USP16: variants seen among roughly 807,000 people sequenced by gnomAD.
USP16 encodes the protein ubiquitin specific peptidase 16.
A neutral mutation model predicts 95.9 loss-of-function variants in USP16; 77 were observed. That is an observed-to-expected ratio of 0.80 (90% CI 0.67 to 0.97). The LOEUF is 0.97. USP16 is among the 50% of genes least tolerant of loss of function. The pLI, the probability that USP16 is intolerant of heterozygous loss-of-function variation, is 0.00. For synonymous variants in USP16, 303 were observed against 318.2 expected (o/e 0.95, Z 0.51); for missense variants, 943 against 959.9 (o/e 0.98, Z 0.23).
chr21:29,037,474 AT>A lies in USP16; in HGVS notation c.636+18del, dbSNP rs760464211. On this transcript the variant is annotated intron_variant, in intron 6 of 17. Coordinates refer to ENST00000399976, the MANE Select transcript of USP16 (RefSeq NM_006447.3). ...AATGCAGTTATGCAGGTACATTGTC[AT>A]TTTTTTCCCTTTAAAAAAGCTGTCC... is the stretch of plus-strand genomic sequence containing the variant. The A allele has an allele frequency of 1.2e-5, 18 of 1,524,266 alleles. No homozygotes were observed. Among genetic ancestry groups the A allele is most frequent in the Middle Eastern group, 1.8e-4 (1 of 5,688 alleles). The allele number at this position is 1,524,266 out of a possible 1,614,324, so 94.4% of individuals were successfully genotyped here. A position where few individuals can be genotyped will look rare whatever the true frequency, so the allele number is the denominator to read the frequency against.
intron 16 of USP16, chr21:29,053,459 A>G (rs996092251): frequency 5.2e-6 from 1 of 191,958 alleles, no homozygotes; most frequent in Non-Finnish European, 1.1e-5. Context: ...TTTTTTAAAC[A>G]GGGTATTCAG....
intron 11 of USP16, among the ~76,000 whole-genome samples, 161 bp from the exon 12 acceptor site, chr21:29,042,311 C>T (rs948925678): frequency 6.6e-5 from 10 of 152,108 alleles, no homozygotes; most frequent in Non-Finnish European, 1.3e-4. Context: ...TCCCCCAACC[C>T]AAAGTCCTCA....
intron 13 of USP16, among the ~76,000 whole-genome samples, chr21:29,046,044 A>G (rs1042795739): frequency 6.6e-6 from 1 of 152,114 alleles, no homozygotes; most frequent in South Asian, 2.1e-4. Flanking sequence ...GGCTGGTTTC[A>G]AACTCCTCAC....
Position 29,047,085 on chromosome 21 carries a change from T to C in USP16, c.1775T>C (p.Ile592Thr), listed in dbSNP as rs145111205. The C allele has an allele frequency of 1.9e-6, 3 of 1,614,052 alleles. No homozygotes were observed. Among genetic ancestry groups the C allele is most frequent in the South Asian group, 1.1e-5 (1 of 91,084 alleles). The stretch of plus-strand genomic sequence containing the variant: ...GCTCTTCATCCTGATGAAATAAATA[T>C]AGAGATTCTGAATGATAGTCATACT... ...NAALHPDEIN[I>T]EILNDSHTPG... The change falls in exon 14 of 18, where the codon ATA becomes ACA. Residue 592 changes from isoleucine to threonine, a missense_variant. Transcript: ENST00000399976.
At chr21:29,028,019 A>C (rs749213920) in intron 2 of USP16, 45 bp downstream of exon 2, 2 of 1,421,942 alleles carry the variant, frequency 1.4e-6, no homozygotes, top group Admixed American at 1.7e-5. Flanking sequence ...TCTCTAAATG[A>C]ATATGTTTTA....
intron 2 of USP16, among the ~76,000 whole-genome samples, chr21:29,029,570 G>A (rs2085048327): frequency 6.6e-6 from 1 of 152,138 alleles, no homozygotes; most frequent in Non-Finnish European, 1.5e-5. Flanking sequence ...CACTTGACTA[G>A]TTTCTAAACC....
At chr21:29,041,737 GCA>G (rs780278556) in intron 10 of USP16, among the ~76,000 whole-genome samples, 6 of 152,238 alleles carry the variant, frequency 3.9e-5, no homozygotes, top group South Asian at 2.1e-4. Context: ...TCACTGACTT[GCA>G]CAGTTTACTT....
chr21:29,025,841 C>T (rs1012811409), intron 1 of USP16: 1 of 544,390 alleles, frequency 1.8e-6, no homozygotes, highest in Non-Finnish European at 2.3e-6. Flanking sequence ...TAACATTATG[C>T]TAGATATTAT....
At chr21:29,045,749 C>T (rs2085312546) in intron 13 of USP16, among the ~76,000 whole-genome samples, 1 of 152,094 alleles carries the variant, frequency 6.6e-6, no homozygotes, top group African/African-American at 2.4e-5. Context: ...TTTATTTCTA[C>T]AGTAGGGTGG....
intron 4 of USP16, 135 bp downstream of exon 4, chr21:29,035,075 G>A (rs2085133912): frequency 2.7e-6 from 2 of 753,870 alleles, no homozygotes; most frequent in East Asian, 5.5e-5. Context: ...CTTTCACAAA[G>A]CTAAAGAATG....
intron 13 of USP16, 25 bp downstream of exon 13, chr21:29,043,624 A>G: frequency 6.7e-7 from 1 of 1,488,646 alleles, no homozygotes. Context: ...GGAAAATCAT[A>G]TGCTTGTAAT....
At chr21:29,032,104 C>G (rs1045673346) in intron 3 of USP16, among the ~76,000 whole-genome samples, 1 of 152,194 alleles carries the variant, frequency 6.6e-6, no homozygotes, top group East Asian at 1.9e-4. Context: ...ATACCCACCT[C>G]CCTACTGCCA....
chr21:29,052,262 A>G (rs2085427061), intron 16 of USP16: 1 of 152,230 alleles, frequency 6.6e-6, no homozygotes, highest in East Asian at 1.9e-4. Flanking sequence ...ATATTATGTC[A>G]GTTTCCATGC....
At chr21:29,037,512 G>A in intron 6 of USP16, 49 bp downstream of exon 6, 1 of 1,351,662 alleles carries the variant, frequency 7.4e-7, no homozygotes. Context: ...TTTCCTCATA[G>A]AATCTGCTAC....
intron 2 of USP16, among the ~76,000 whole-genome samples, chr21:29,028,314 A>C (rs1413742489): frequency 6.7e-6 from 1 of 148,934 alleles, no homozygotes; most frequent in Non-Finnish European, 1.5e-5. Context: ...TTTAATAGTG[A>C]CGGGGTTTCC....
intron 10 of USP16, 82 bp downstream of exon 10, chr21:29,040,769 C>A: frequency 4.8e-6 from 3 of 620,918 alleles, no homozygotes; most frequent in Non-Finnish European, 7.7e-6. Flanking sequence ...CATATATTTC[C>A]AAGTCCACAA....
At chr21:29,037,213 G>A in intron 5 of USP16, 63 bp from the exon 6 acceptor site, 1 of 1,082,984 alleles carries the variant, frequency 9.2e-7, no homozygotes, top group Non-Finnish European at 1.3e-6. Context: ...TGTTTCCCAA[G>A]TATACTTCTG....
At chr21:29,034,542 ACCTCAGGTGATCCCACCCCTGG>A (rs1245202236) in intron 3 of USP16, among the ~76,000 whole-genome samples, 1 of 151,788 alleles carries the variant, frequency 6.6e-6, no homozygotes, top group East Asian at 1.9e-4. Flanking sequence ...CGAACTCCTG[ACCTCAGGTGATCCCACCCCTGG>A]CCTCAGCCTC....
Position 29,042,468 on chromosome 21 carries a change from T to C in USP16, c.1123-4T>C. ...TTTTACACTGTCTTTTCTGATTGGT[T>C]AAGGTCTCCTTGGTTCATGAATCTT... On this transcript the variant is annotated splice_region_variant and splice_polypyrimidine_tract_variant and intron_variant, in intron 11 of 17. Transcript: ENST00000399976. 3 of 1,603,890 alleles carry C rather than the reference T, an allele frequency of 1.9e-6. No homozygotes were observed. The highest frequency in any genetic ancestry group is 2.6e-6 in the Non-Finnish European group (3 of 1,176,286).
Sources: allele counts gnomAD v4.1 joint callset (sites outside exome capture counted in the v4.1 genomes callset), GRCh38; gene constraint gnomAD v4.1.1; transcripts MANE v1.5; gene names NCBI Gene and HGNC (gene_info 2026-07-23, HGNC 2026-07-21).